The following MAGI2 variants were observed in gnomAD, a reference collection of about 807,000 sequenced individuals.
The protein encoded by MAGI2 is membrane-associated guanylate kinase, WW and PDZ domain-containing protein 2.
Under a neutral mutation model 133.3 loss-of-function variants are expected in MAGI2, and 35 were observed. The ratio of observed to expected loss-of-function variants is 0.26; its 90% confidence interval spans 0.20 to 0.35. The LOEUF (loss-of-function observed/expected upper bound fraction) is 0.35, where lower values mean the gene tolerates loss of function less well. Among genes scored for constraint, MAGI2 ranks in the 10% least tolerant of loss-of-function variants. MAGI2 has a pLI of 1.00. For synonymous variants in MAGI2, 729 were observed against 710.6 expected (o/e 1.03, Z -0.41); for missense variants, 1,636 against 1,863.4 (o/e 0.88, Z 2.25).
chr7:78,835,079 A>T (rs1243258142), intron 2 of MAGI2, among the ~76,000 whole-genome samples: 1 of 152,186 alleles, frequency 6.6e-6, no homozygotes, highest in African/African-American at 2.4e-5. Flanking sequence ...GGAGCAGTCT[A>T]ATACAGGTAT....
intron 4 of MAGI2, among the ~76,000 whole-genome samples, chr7:78,505,725 T>C (rs1485620345): frequency 6.6e-6 from 1 of 152,160 alleles, no homozygotes; most frequent in Admixed American, 6.6e-5. Context: ...AGATGTGTAG[T>C]CTTTATACAA....
At chr7:79,427,453 T>C (rs2129184114) in intron 1 of MAGI2, among the ~76,000 whole-genome samples, 1 of 152,284 alleles carries the variant, frequency 6.6e-6, no homozygotes, top group East Asian at 1.9e-4. Context: ...ATGCAATAAG[T>C]GATCTAAAAC....
At chr7:78,189,600 A>G (rs993952299) in intron 12 of MAGI2, among the ~76,000 whole-genome samples, 10 of 152,246 alleles carry the variant, frequency 6.6e-5, no homozygotes, top group African/African-American at 2.4e-4. Context: ...TATAATAACC[A>G]AAGTTCAATG....
intron 6 of MAGI2, among the ~76,000 whole-genome samples, chr7:78,474,700 T>C (rs1791565844): frequency 6.6e-6 from 1 of 151,884 alleles, no homozygotes; most frequent in Non-Finnish European, 1.5e-5. Flanking sequence ...ATACATATAC[T>C]AATGAAGACA....
intron 3 of MAGI2, among the ~76,000 whole-genome samples, chr7:78,598,938 T>C (rs1442560560): frequency 1.3e-5 from 2 of 152,102 alleles, no homozygotes; most frequent in African/African-American, 4.8e-5. Context: ...TTATGGGACA[T>C]CAAACAGACG....
At chr7:79,372,107 C>CA (rs1355755527) in intron 1 of MAGI2, among the ~76,000 whole-genome samples, 1 of 152,086 alleles carries the variant, frequency 6.6e-6, no homozygotes, top group Non-Finnish European at 1.5e-5. Flanking sequence ...TGCCTTCTTC[C>CA]ACTCTCTTGT....
intron 20 of MAGI2, among the ~76,000 whole-genome samples, chr7:78,090,457 T>C (rs1817076092): frequency 6.6e-6 from 1 of 152,042 alleles, no homozygotes. Flanking sequence ...AGGGAGAGTC[T>C]TTGGGGGAGG....
chr7:79,220,674 A>G (rs1325129549), intron 1 of MAGI2, among the ~76,000 whole-genome samples: 3 of 152,054 alleles, frequency 2.0e-5, no homozygotes, highest in Non-Finnish European at 2.9e-5. Flanking sequence ...GTGGCCCCCA[A>G]ACCACTTCTA....
chr7:78,182,972 A>G (rs1195581620), intron 13 of MAGI2, among the ~76,000 whole-genome samples: 2 of 152,204 alleles, frequency 1.3e-5, no homozygotes, highest in African/African-American at 4.8e-5. Flanking sequence ...CTAAATAAAC[A>G]TTACCTGAAC....
At chr7:78,842,870 CT>C (rs34102759) in intron 2 of MAGI2, among the ~76,000 whole-genome samples, 106,578 of 151,360 alleles carry the variant, frequency 0.7, 37,928 homozygotes, top group Middle Eastern at 0.81. Context: ...CTAAGTATCA[CT>C]TTTTTTTTAA....
intron 2 of MAGI2, among the ~76,000 whole-genome samples, chr7:78,963,686 T>A (rs1260664066): frequency 6.6e-6 from 1 of 151,982 alleles, no homozygotes; most frequent in South Asian, 2.1e-4. Context: ...AAGCTTGGCT[T>A]AATGCAAGAC....
chr7:78,827,042 A>G (rs1790718148), intron 2 of MAGI2, among the ~76,000 whole-genome samples: 1 of 152,092 alleles, frequency 6.6e-6, no homozygotes, highest in Admixed American at 6.6e-5. Context: ...TTAGCTTCAT[A>G]TAGATACAGA....
intron 9 of MAGI2, among the ~76,000 whole-genome samples, chr7:78,326,233 A>G (rs1473906971): frequency 6.6e-6 from 1 of 152,222 alleles, no homozygotes; most frequent in Non-Finnish European, 1.5e-5. Context: ...GGATGTCTGC[A>G]CTTTTGCACA....
intron 1 of MAGI2, among the ~76,000 whole-genome samples, chr7:79,351,016 A>G (rs1265255981): frequency 6.6e-6 from 1 of 152,158 alleles, no homozygotes; most frequent in Non-Finnish European, 1.5e-5. Flanking sequence ...AAATGTTATT[A>G]TAGAGCAGTC....
intron 1 of MAGI2, among the ~76,000 whole-genome samples, chr7:79,214,440 T>TATATATATATATATAC: frequency 8.2e-6 from 1 of 121,338 alleles, no homozygotes; most frequent in South Asian, 2.6e-4. Flanking sequence ...TATATATATA[T>TATATATATATATATAC]ATAAATATGC....
intron 2 of MAGI2, among the ~76,000 whole-genome samples, chr7:78,695,832 C>T (rs1817453700): frequency 6.6e-6 from 1 of 152,216 alleles, no homozygotes; most frequent in Non-Finnish European, 1.5e-5. Flanking sequence ...CTTGTTTCTG[C>T]TGCCCCATCA....
chr7:78,119,836 T>C (rs1005480166), intron 20 of MAGI2, among the ~76,000 whole-genome samples: 3 of 152,308 alleles, frequency 2.0e-5, no homozygotes. Flanking sequence ...AGTAAAAGCA[T>C]ATATTCACTC....
intron 10 of MAGI2, chr7:78,253,721 G>A (rs1792672054): frequency 6.6e-6 from 1 of 152,094 alleles, no homozygotes; most frequent in Admixed American, 6.5e-5. Flanking sequence ...TATACTTGTT[G>A]ACATTATTTG....
At chr7:78,783,662 C>T (rs897683233) in intron 2 of MAGI2, among the ~76,000 whole-genome samples, 9 of 152,122 alleles carry the variant, frequency 5.9e-5, no homozygotes, top group Non-Finnish European at 1.0e-4. Flanking sequence ...GGTGAATCCA[C>T]AAGGTGTCAA....
Sources: allele counts gnomAD v4.1 joint callset (sites outside exome capture counted in the v4.1 genomes callset), GRCh38; gene constraint gnomAD v4.1.1; transcripts MANE v1.5; gene names NCBI Gene and HGNC (gene_info 2026-07-23, HGNC 2026-07-21).